The following TMEM163 variants were observed in gnomAD, a reference collection of about 807,000 sequenced individuals.
The protein encoded by TMEM163 is transmembrane protein 163.
TMEM163 carries 17 observed loss-of-function variants against 29.3 expected under a neutral mutation model. The observed-to-expected ratio is 0.58, with a 90% CI of 0.40 to 0.87. The LOEUF is 0.87. Ranked by LOEUF, TMEM163 falls within the 40% of genes least tolerant of loss-of-function variation. TMEM163 has a pLI of 0.00. For synonymous variants in TMEM163, 157 were observed against 160.6 expected (o/e 0.98, Z 0.17); for missense variants, 303 against 381.5 (o/e 0.79, Z 1.71).
At chr2:134,539,975 G>A (rs938494413) in intron 4 of TMEM163, among the ~76,000 whole-genome samples, 2 of 152,146 alleles carry the variant, frequency 1.3e-5, no homozygotes, top group African/African-American at 2.4e-5. Context: ...AACTCAGCCC[G>A]CTCACCTCCA....
chr2:134,549,259 C>T (rs1680856384), intron 4 of TMEM163, among the ~76,000 whole-genome samples: 1 of 152,166 alleles, frequency 6.6e-6, no homozygotes, highest in Admixed American at 6.6e-5. Context: ...CTGGCATATT[C>T]AATCTCAGAT....
At chr2:134,631,653 T>C (rs956174038) in intron 2 of TMEM163, among the ~76,000 whole-genome samples, 3 of 152,182 alleles carry the variant, frequency 2.0e-5, no homozygotes, top group African/African-American at 7.2e-5. Context: ...ATTTCTGGGT[T>C]CTTCGTGTTC....
intron 2 of TMEM163, among the ~76,000 whole-genome samples, chr2:134,710,705 T>C (rs1377014752): frequency 2.0e-5 from 3 of 151,818 alleles, no homozygotes; most frequent in Non-Finnish European, 2.9e-5. Flanking sequence ...ACTGATTCCA[T>C]GCAAGGATGG....
rs982056343 is a variant in TMEM163, at chr2:134,475,911, C to T, written c.556-9686G>A. On this transcript the variant is annotated intron_variant, in intron 5 of 7. Transcript: ENST00000281924. ...AGAATGTAAAATGGTACAGTCATTT[C>T]GTAAAAGAGATTGGCCATTCCTTAT... 5.3e-5 allele frequency among the ~76,000 whole-genome samples: 8 copies of T among 152,258 alleles called. No homozygotes were observed. In the South Asian group the frequency reaches 1.2e-3, roughly 24 times the overall value.
chr2:134,497,020 C>T (rs1027606905), intron 5 of TMEM163, among the ~76,000 whole-genome samples: 2 of 152,184 alleles, frequency 1.3e-5, no homozygotes, highest in Admixed American at 1.3e-4. Flanking sequence ...CTTCAGATGT[C>T]GCATGGAGTG....
intron 2 of TMEM163, among the ~76,000 whole-genome samples, chr2:134,655,761 C>T (rs1326992747): frequency 7.0e-6 from 1 of 142,290 alleles, no homozygotes; most frequent in Non-Finnish European, 1.5e-5. Context: ...AGTTTTCCTT[C>T]TAACAGACAG....
intron 2 of TMEM163, among the ~76,000 whole-genome samples, chr2:134,581,143 G>A (rs939364127): frequency 6.6e-6 from 1 of 152,148 alleles, no homozygotes; most frequent in African/African-American, 2.4e-5. Flanking sequence ...GGGCAAATCC[G>A]ACGGAAAAGG....
chr2:134,498,969 G>A (rs952589119), intron 5 of TMEM163, among the ~76,000 whole-genome samples: 2 of 152,212 alleles, frequency 1.3e-5, no homozygotes, highest in Admixed American at 1.3e-4. Flanking sequence ...ACGATCTCAG[G>A]AAGATCACTT....
chr2:134,518,893 A>T (rs1314339933), intron 4 of TMEM163, among the ~76,000 whole-genome samples: 1 of 152,216 alleles, frequency 6.6e-6, no homozygotes, highest in African/African-American at 2.4e-5. Flanking sequence ...CAGCAGAGAC[A>T]GTTATAGTAT....
chr2:134,500,724 A>G (rs1452154567), intron 5 of TMEM163, among the ~76,000 whole-genome samples: 2 of 152,218 alleles, frequency 1.3e-5, no homozygotes, highest in Admixed American at 1.3e-4. Flanking sequence ...TAAGCCAGAC[A>G]CACAAAGACA....
At chr2:134,560,153 A>G (rs1681135298) in intron 2 of TMEM163, among the ~76,000 whole-genome samples, 1 of 152,034 alleles carries the variant, frequency 6.6e-6, no homozygotes, top group Non-Finnish European at 1.5e-5. Flanking sequence ...TAACGATGAA[A>G]CCTGCCCTCG....
At chr2:134,465,189 T>TAAAAAAAAAAAAAAAAAAAAAA (rs1181405890) in intron 6 of TMEM163, among the ~76,000 whole-genome samples, 14 of 117,712 alleles carry the variant, frequency 1.2e-4, no homozygotes, top group African/African-American at 4.9e-4. Context: ...TCCGCATCTT[T>TAAAAAAAAAAAAAAAAAAAAAA]AAAAAAAAAA....
intron 2 of TMEM163, among the ~76,000 whole-genome samples, chr2:134,624,855 G>C (rs1318418679): frequency 1.4e-5 from 2 of 147,922 alleles, no homozygotes; most frequent in African/African-American, 5.0e-5. Flanking sequence ...GGTTGCTGGG[G>C]GCCGAGATCT....
intron 2 of TMEM163, among the ~76,000 whole-genome samples, chr2:134,681,432 T>C (rs1184368842): frequency 2.0e-5 from 3 of 152,184 alleles, no homozygotes; most frequent in East Asian, 1.9e-4. Context: ...CCACTGGCAA[T>C]TGCCCAGATG....
rs184858480 is a variant in TMEM163, at chr2:134,621,783, C to T, written c.323-69692G>A. Among the ~76,000 whole-genome samples the T allele has an allele frequency of 3.8e-3, 575 of 151,698 alleles. 11 individuals carry two copies. The East Asian group carries it at 0.053, about 14-fold the overall frequency. ...GCAGGCGCCTGTAGTCCCAGCTACT[C>T]GGGAGGCTGAGGCAGGAGAATGGTG... On this transcript the variant is annotated intron_variant, in intron 2 of 7. Coordinates refer to ENST00000281924, the MANE Select transcript of TMEM163 (RefSeq NM_030923.5).
At chr2:134,668,625 CAAAA>C (rs1173331892) in intron 2 of TMEM163, among the ~76,000 whole-genome samples, 1 of 114,316 alleles carries the variant, frequency 8.7e-6, no homozygotes, top group African/African-American at 3.3e-5. Context: ...AACTCCGTCT[CAAAA>C]AAAAAAAAAA....
intron 2 of TMEM163, among the ~76,000 whole-genome samples, chr2:134,708,671 C>T (rs1316944687): frequency 6.6e-6 from 1 of 152,122 alleles, no homozygotes; most frequent in Non-Finnish European, 1.5e-5. Context: ...ACTGCAACCT[C>T]CGTCTCCTGG....
At chr2:134,457,655 A>G (rs1043215205) in intron 7 of TMEM163, among the ~76,000 whole-genome samples, 9 of 152,152 alleles carry the variant, frequency 5.9e-5, no homozygotes, top group Admixed American at 5.9e-4. Context: ...TGCATCCCCC[A>G]TTTGTGGCAG....
Position 134,458,094 on chromosome 2 carries a change from G to T in TMEM163, c.747C>A (p.Val249=). The T allele has an allele frequency of 6.2e-7, 1 of 1,614,212 alleles. No homozygotes were observed. Among genetic ancestry groups the T allele is most frequent in the Non-Finnish European group, 8.5e-7 (1 of 1,180,040 alleles). The change falls in exon 7 of 8, where the codon GTC becomes GTA. Residue 249 remains valine (V), a synonymous_variant. Coordinates refer to ENST00000281924, the MANE Select transcript of TMEM163 (RefSeq NM_030923.5). Reference sequence around the variant, plus strand: ...CGCCTATGCTGCCGTCCAGGTACCAGACCGCCGAGTCATGCTTGAACACTT... The same window carrying T: ...CGCCTATGCTGCCGTCCAGGTACCATACCGCCGAGTCATGCTTGAACACTT... ...SAEVFKHDSA[V]WYLDGSIGVL... is the part of the protein sequence containing the mutation.
Sources: allele counts gnomAD v4.1 joint callset (sites outside exome capture counted in the v4.1 genomes callset), GRCh38; gene constraint gnomAD v4.1.1; transcripts MANE v1.5; gene names NCBI Gene and HGNC (gene_info 2026-07-23, HGNC 2026-07-21).